KLHL1: variants seen among roughly 807,000 people sequenced by gnomAD.
KLHL1 encodes the protein kelch-like protein 1.
In KLHL1, 47 loss-of-function variants were observed where a neutral mutation model predicts 77.7. The ratio of observed to expected loss-of-function variants is 0.60; its 90% CI spans 0.48 to 0.77. The LOEUF is 0.77. KLHL1 is among the 30% of genes least tolerant of loss of function. The probability of loss-of-function intolerance (pLI) is 0.00; values close to 1 mark genes in which losing one functional copy is unlikely to be tolerated. For missense variants in KLHL1, 925 were observed against 910.8 expected (o/e 1.02, Z -0.20); for synonymous variants, 360 against 325.2 (o/e 1.11, Z -1.15).
chr13:69,807,238 C>G (rs1877654409), intron 6 of KLHL1, among the ~76,000 whole-genome samples: 1 of 152,040 alleles, frequency 6.6e-6, no homozygotes, highest in African/African-American at 2.4e-5. Flanking sequence ...GTTGACACTG[C>G]TTGGTTGGAT....
chr13:69,961,652 T>C (rs968633615), intron 2 of KLHL1, among the ~76,000 whole-genome samples: 3 of 152,088 alleles, frequency 2.0e-5, no homozygotes, highest in Non-Finnish European at 4.4e-5. Flanking sequence ...TACATTTTCT[T>C]CTATCACTTG....
In KLHL1 at chr13:70,009,536, T is replaced by C. The variant is rs916415962; in HGVS notation, c.498-33734A>G. Among the ~76,000 whole-genome samples the C allele has an allele frequency of 1.8e-4, 28 of 152,128 alleles. 1 individual carries two copies. Among genetic ancestry groups the C allele is most frequent in the Non-Finnish European group, 2.9e-5 (2 of 68,018 alleles). ...CCCTGAACACTAAAATAAGGACTTATATTCTACTACCTTCCAGCGATGCGA... is the reference window on the plus strand; with the variant it reads ...CCCTGAACACTAAAATAAGGACTTACATTCTACTACCTTCCAGCGATGCGA... On this transcript the variant is annotated intron_variant, in intron 1 of 10. Transcript: ENST00000377844.
chr13:70,062,272 T>C (rs1193185456), intron 1 of KLHL1, among the ~76,000 whole-genome samples: 1 of 152,226 alleles, frequency 6.6e-6, no homozygotes, highest in Non-Finnish European at 1.5e-5. Flanking sequence ...CAATTTATAT[T>C]TGAGATTTAT....
Position 69,707,811 on chromosome 13 carries a change from C to A in KLHL1, c.2016-15G>T. 1 of 1,607,848 alleles carries A rather than the reference C, an allele frequency of 6.2e-7. No homozygotes were observed. Among genetic ancestry groups the A allele is most frequent in the Non-Finnish European group, 8.5e-7 (1 of 1,175,844 alleles). On this transcript the variant is annotated splice_polypyrimidine_tract_variant and intron_variant, in intron 9 of 10. Coordinates refer to ENST00000377844, the MANE Select transcript of KLHL1 (RefSeq NM_020866.3). ...TGGGATCATATCTAAAATTCAATGA[C>A]AATAGTACATAACATATTCTAATCA...
intron 4 of KLHL1, among the ~76,000 whole-genome samples, chr13:69,923,321 G>A (rs1448469768): frequency 1.3e-5 from 2 of 152,166 alleles, no homozygotes; most frequent in Admixed American, 6.5e-5. Context: ...AAGTAATTTT[G>A]TAGCTTGGTG....
chr13:69,894,999 C>A, intron 4 of KLHL1: 1 of 503,196 alleles, frequency 2.0e-6, no homozygotes. Context: ...CAAATGTAGA[C>A]ACGGTGGTAT....
At chr13:70,104,278 T>A (rs1234985032) in intron 1 of KLHL1, among the ~76,000 whole-genome samples, 1 of 152,126 alleles carries the variant, frequency 6.6e-6, no homozygotes, top group African/African-American at 2.4e-5. Context: ...AGTAGAGCAC[T>A]GAGATTTATT....
At chr13:69,784,975 C>T (rs1487815262) in intron 7 of KLHL1, among the ~76,000 whole-genome samples, 27 of 144,934 alleles carry the variant, frequency 1.9e-4, no homozygotes, top group African/African-American at 3.6e-4. Context: ...CTGCAAGCTC[C>T]GCCTCCCGGG....
intron 4 of KLHL1, among the ~76,000 whole-genome samples, chr13:69,936,687 A>C (rs1883199128): frequency 6.6e-6 from 1 of 152,090 alleles, no homozygotes; most frequent in Admixed American, 6.6e-5. Flanking sequence ...AAAACACTCA[A>C]TGTTCTAAGT....
chr13:69,772,786 G>A (rs886470841), intron 7 of KLHL1, among the ~76,000 whole-genome samples: 3 of 152,132 alleles, frequency 2.0e-5, no homozygotes, highest in Non-Finnish European at 4.4e-5. Context: ...GCCTTAAAAA[G>A]AGCCTGTGTC....
intron 1 of KLHL1, among the ~76,000 whole-genome samples, chr13:70,062,120 G>A (rs9564643): frequency 0.28 from 41,810 of 151,866 alleles, 6,415 homozygotes; most frequent in East Asian, 0.68. Context: ...TTTCCCATCC[G>A]CTAGGTATCT....
chr13:70,074,499 C>T (rs1172429145), intron 1 of KLHL1, among the ~76,000 whole-genome samples: 6 of 151,946 alleles, frequency 3.9e-5, no homozygotes, highest in Admixed American at 3.9e-4. Context: ...GATTATCGTC[C>T]ACCCAAGAGA....
Position 69,707,499 on chromosome 13 carries a change from G to A in KLHL1, c.2187+126C>T, listed in dbSNP as rs530511231. The stretch of plus-strand genomic sequence containing the variant: ...TTTTTACAAAATCAACACAATATTG[G>A]ATAAAAACAATCATTTTTGGTTTAG... On this transcript the variant is annotated intron_variant, in intron 10 of 10. Transcript: ENST00000377844. 122 of 788,398 alleles carry A rather than the reference G, an allele frequency of 1.5e-4. 1 individual carries two copies. The African/African-American group carries it at 1.8e-3, about 12-fold the overall frequency. 48.8% of individuals were successfully genotyped at this position (788,398 alleles called of 1,614,324 possible). A position where few individuals can be genotyped will look rare whatever the true frequency, so the allele number is the denominator to read the frequency against.
chr13:69,909,387 A>C (rs1183279429), intron 4 of KLHL1, among the ~76,000 whole-genome samples: 2 of 151,950 alleles, frequency 1.3e-5, no homozygotes, highest in Admixed American at 6.6e-5. Flanking sequence ...ACATTATACT[A>C]TTCCAAAGAA....
intron 2 of KLHL1, among the ~76,000 whole-genome samples, chr13:69,972,653 C>T (rs1884419828): frequency 6.6e-6 from 1 of 151,798 alleles, no homozygotes; most frequent in Admixed American, 6.6e-5. Context: ...TGATAAATAA[C>T]ATTATTTCCA....
At chr13:69,709,275 A>G (rs1345218041) in intron 9 of KLHL1, among the ~76,000 whole-genome samples, 1 of 152,068 alleles carries the variant, frequency 6.6e-6, no homozygotes, top group Non-Finnish European at 1.5e-5. Flanking sequence ...ATCTCCTTTA[A>G]AAATATTTAA....
chr13:70,099,376 C>A (rs1453535194), intron 1 of KLHL1, among the ~76,000 whole-genome samples: 1 of 151,734 alleles, frequency 6.6e-6, no homozygotes, highest in Non-Finnish European at 1.5e-5. Context: ...AAAAAAGTTT[C>A]CTATGGTTAC....
intron 1 of KLHL1, among the ~76,000 whole-genome samples, chr13:70,026,689 AT>A (rs1885949390): frequency 6.8e-6 from 1 of 147,494 alleles, no homozygotes. Context: ...GTTGCTGTCA[AT>A]TTAAGAACTT....
rs115465479 is a variant in KLHL1, at chr13:69,756,237, G to A, written c.1640-15681C>T. ...ATATGTTGAGGTTGGATAACTCTGT[G>A]GCAGTTATTGATAATTTATGTAGCC... On this transcript the variant is annotated intron_variant, in intron 7 of 10. Coordinates refer to ENST00000377844, the MANE Select transcript of KLHL1 (RefSeq NM_020866.3). Among the ~76,000 whole-genome samples the A allele has an allele frequency of 8.6e-3, 1,308 of 152,182 alleles. 21 individuals carry two copies. Among genetic ancestry groups the A allele is most frequent in the African/African-American group, 0.029 (1,205 of 41,514 alleles).
Sources: allele counts gnomAD v4.1 joint callset (sites outside exome capture counted in the v4.1 genomes callset), GRCh38; gene constraint gnomAD v4.1.1; transcripts MANE v1.5; gene names NCBI Gene and HGNC (gene_info 2026-07-23, HGNC 2026-07-21).